Variants in B3GALT1 observed in about 807,000 individuals in gnomAD.
B3GALT1 encodes the protein beta-1,3-galactosyltransferase 1.
Under a neutral mutation model 23.2 loss-of-function variants are expected in B3GALT1, and 10 were observed. The ratio of observed to expected loss-of-function variants is 0.43; its 90% CI spans 0.27 to 0.73. B3GALT1 has a LOEUF of 0.73. B3GALT1 is among the 30% of genes least tolerant of loss of function. B3GALT1 has a pLI of 0.21. For missense variants in B3GALT1, 299 were observed against 405.4 expected (o/e 0.74, Z 2.25); for synonymous variants, 156 against 141.5 (o/e 1.10, Z -0.73).
At chr2:167,735,491 G>T (rs1687478465) in intron 3 of B3GALT1, among the ~76,000 whole-genome samples, 1 of 152,200 alleles carries the variant, frequency 6.6e-6, no homozygotes, top group Admixed American at 6.5e-5. Context: ...TGCTGTCTTA[G>T]CAGGAACTGC....
chr2:167,715,428 TC>T, intron 3 of B3GALT1: 2 of 1,609,448 alleles, frequency 1.2e-6, no homozygotes, highest in African/African-American at 2.7e-5. Context: ...GAATTTTCAC[TC>T]AAAGCATCTT....
chr2:167,560,014 A>G (rs1683940637), intron 2 of B3GALT1, among the ~76,000 whole-genome samples: 1 of 152,172 alleles, frequency 6.6e-6, no homozygotes, highest in Non-Finnish European at 1.5e-5. Context: ...CAGATTCACC[A>G]AAGTTGAAAT....
intron 3 of B3GALT1, among the ~76,000 whole-genome samples, chr2:167,770,689 GCC>G (rs1688058314): frequency 6.6e-6 from 1 of 151,858 alleles, no homozygotes; most frequent in Non-Finnish European, 1.5e-5. Flanking sequence ...AGAAATCTTT[GCC>G]TTACCCAAGG....
At position 167,763,690 on chromosome 2, in the gene B3GALT1, G is replaced by GAAA. The variant is rs35567239; in HGVS notation, c.-351-54963_-351-54961dup. 6.9e-3 allele frequency among the ~76,000 whole-genome samples: 561 copies of GAAA among 81,790 alleles called. 14 individuals carry two copies. Among genetic ancestry groups the GAAA allele is most frequent in the Middle Eastern group, 0.023 (3 of 128 alleles). The allele number at this position is 81,790 out of a possible 152,430, so 53.7% of individuals were successfully genotyped here. A position where few individuals can be genotyped will look rare whatever the true frequency, so the allele number is the denominator to read the frequency against. ...TGAGTGTCAGAGCAAGACTCTGTCA[G>GAAA]AAAAAAAAAAAAAAAAAAAAACCTC... On this transcript the variant is annotated intron_variant, in intron 3 of 4. Coordinates refer to ENST00000392690, the MANE Select transcript of B3GALT1 (RefSeq NM_020981.4).
rs1685756824 is a variant in B3GALT1, at chr2:167,646,907, A to C, written c.-409-2A>C. On this transcript the variant is annotated splice_acceptor_variant, in intron 2 of 4. Coordinates refer to ENST00000392690, the MANE Select transcript of B3GALT1 (RefSeq NM_020981.4). LOFTEE classifies it low-confidence loss of function (5UTR_SPLICE). Reference sequence around the variant, plus strand: ...TGTATTTTTTTTCTTCTCTTGAAAAAGTTCTCTTGCTGTGCTGCTGGGTCC... The same window carrying C: ...TGTATTTTTTTTCTTCTCTTGAAAACGTTCTCTTGCTGTGCTGCTGGGTCC... Among the ~76,000 whole-genome samples, 1 of 152,082 alleles carries C rather than the reference A, an allele frequency of 6.6e-6. No individual in the cohort carries two copies. The highest frequency in any genetic ancestry group is 1.5e-5 in the Non-Finnish European group (1 of 68,012).
chr2:167,490,746 A>G (rs1574101204), intron 2 of B3GALT1, among the ~76,000 whole-genome samples: 1 of 152,216 alleles, frequency 6.6e-6, no homozygotes, highest in Non-Finnish European at 1.5e-5. Context: ...GAGCAATACA[A>G]CCTTTCCTTT....
At chr2:167,691,904 A>G (rs549475345) in intron 3 of B3GALT1, among the ~76,000 whole-genome samples, 5 of 152,310 alleles carry the variant, frequency 3.3e-5, no homozygotes, top group Non-Finnish European at 7.4e-5. Flanking sequence ...TATTACTCGT[A>G]CATAAAGTAA....
At chr2:167,329,098 C>G (rs1696935718) in intron 1 of B3GALT1, among the ~76,000 whole-genome samples, 3 of 152,222 alleles carry the variant, frequency 2.0e-5, no homozygotes, top group Admixed American at 6.5e-5. Flanking sequence ...CACGAGTGAG[C>G]CACCACGCCT....
intron 1 of B3GALT1, among the ~76,000 whole-genome samples, chr2:167,403,693 G>A (rs961638574): frequency 7.9e-5 from 12 of 152,016 alleles, no homozygotes; most frequent in African/African-American, 9.7e-5. Flanking sequence ...GGAGTACTGC[G>A]CACAATTACT....
At position 167,778,899 on chromosome 2, in the gene B3GALT1, T is replaced by C. The variant is rs114045434; in HGVS notation, c.-351-39773T>C. On this transcript the variant is annotated intron_variant, in intron 3 of 4. Transcript: ENST00000392690. ...CACACAGAGCAACTGTCAGACCTCA[T>C]TGGAAAGGTTAAGATACATAGGATC... 6.1e-3 allele frequency among the ~76,000 whole-genome samples: 935 copies of C among 152,304 alleles called. 9 individuals are homozygous for C. The highest frequency in any genetic ancestry group is 0.021 in the African/African-American group (886 of 41,556).
At chr2:167,476,394 A>G (rs11891312) in intron 1 of B3GALT1, among the ~76,000 whole-genome samples, 9,331 of 152,242 alleles carry the variant, frequency 0.061, 931 homozygotes, top group African/African-American at 0.21. Flanking sequence ...TGGAGTTTAG[A>G]AAATATCATA....
chr2:167,435,981 ACG>A (rs1553519032), intron 1 of B3GALT1, among the ~76,000 whole-genome samples: 1,156 of 103,050 alleles, frequency 0.011, 3 homozygotes, highest in African/African-American at 0.032. Flanking sequence ...ACACACACAC[ACG>A]CACACACACA....
In B3GALT1 at chr2:167,873,528, C is replaced by T. The variant is rs898030052; in HGVS notation, c.*3508C>T. On this transcript the variant is annotated 3_prime_UTR_variant, in exon 5 of 5. Coordinates refer to ENST00000392690, the MANE Select transcript of B3GALT1 (RefSeq NM_020981.4). ...ATATTTACCTAAAGCATCTGGGATTCATTTTTTACCTTTCCTAATATGTGG... is the reference window on the plus strand; with the variant it reads ...ATATTTACCTAAAGCATCTGGGATTTATTTTTTACCTTTCCTAATATGTGG... 2 of 152,146 alleles carry T rather than the reference C, an allele frequency of 1.3e-5. No individual in the cohort carries two copies. Among genetic ancestry groups the T allele is most frequent in the Admixed American group, 1.3e-4 (2 of 15,284 alleles). The allele number at this position is 152,146 out of a possible 1,614,324, so 9.4% of individuals were successfully genotyped here. A position where few individuals can be genotyped will look rare whatever the true frequency, so the allele number is the denominator to read the frequency against.
chr2:167,316,216 C>CT (rs1311789353), intron 1 of B3GALT1, among the ~76,000 whole-genome samples: 1 of 150,926 alleles, frequency 6.6e-6, no homozygotes, highest in East Asian at 1.9e-4. Context: ...GTAAGGAATG[C>CT]TTTTTGCACG....
At chr2:167,315,996 A>G (rs1179000799) in intron 1 of B3GALT1, among the ~76,000 whole-genome samples, 1 of 152,192 alleles carries the variant, frequency 6.6e-6, no homozygotes, top group African/African-American at 2.4e-5. Context: ...GTAAGGAGAA[A>G]TGTACTGACC....
At chr2:167,805,128 G>T (rs1418700404) in intron 3 of B3GALT1, among the ~76,000 whole-genome samples, 8 of 152,038 alleles carry the variant, frequency 5.3e-5, no homozygotes, top group African/African-American at 7.3e-5. Context: ...ATGTCTTCTT[G>T]TGAGAAGTGT....
chr2:167,691,217 T>G (rs1430988917), intron 3 of B3GALT1, among the ~76,000 whole-genome samples: 4 of 152,140 alleles, frequency 2.6e-5, no homozygotes, highest in Non-Finnish European at 5.9e-5. Flanking sequence ...TCAGAGCTGG[T>G]CAGAACTTTC....
At chr2:167,812,306 G>A (rs1410481515) in intron 3 of B3GALT1, among the ~76,000 whole-genome samples, 1 of 152,170 alleles carries the variant, frequency 6.6e-6, no homozygotes, top group Non-Finnish European at 1.5e-5. Context: ...AAATTTGTTT[G>A]TACATACGCC....
chr2:167,799,956 A>G (rs836679), intron 3 of B3GALT1, among the ~76,000 whole-genome samples: 19,923 of 106,124 alleles, frequency 0.19, 1,555 homozygotes, highest in East Asian at 0.46. Flanking sequence ...ATGTGTATGT[A>G]TACACTTATG....
Sources: gnomAD v4.1 joint callset for allele counts (sites outside exome capture counted in the v4.1 genomes callset) on GRCh38, gnomAD v4.1.1 for gene constraint, MANE v1.5 for transcripts, NCBI Gene and HGNC (gene_info 2026-07-23, HGNC 2026-07-21) for gene names.